Variants in USP8 observed in about 807,000 individuals in gnomAD.
USP8 encodes ubiquitin carboxyl-terminal hydrolase 8.
Under a neutral mutation model 130.0 loss-of-function variants are expected in USP8, and 27 were observed. That is an observed-to-expected ratio of 0.21 (90% CI 0.15 to 0.29). The LOEUF is 0.29. Among genes scored for constraint, USP8 ranks in the 10% least tolerant of loss-of-function variants. USP8 has a pLI of 1.00. For synonymous variants in USP8, 392 were observed against 444.1 expected (o/e 0.88, Z 1.48); for missense variants, 1,029 against 1,312.2 (o/e 0.78, Z 3.33).
At chr15:50,455,378 C>G (rs902007794) in intron 4 of USP8, among the ~76,000 whole-genome samples, 2 of 144,784 alleles carry the variant, frequency 1.4e-5, no homozygotes, top group Non-Finnish European at 3.1e-5. Context: ...GCGCCCAGCC[C>G]AATTCTAGAA....
In USP8 at chr15:50,500,873, A is replaced by G; in HGVS notation, c.*1785A>G. On this transcript the variant is annotated 3_prime_UTR_variant, in exon 20 of 20. Transcript: ENST00000307179. ...AAGGAATGTCAAACTTAGTATTCAC[A>G]TATGAACACTAACTACTGGAACAGA... The G allele has an allele frequency of 6.7e-7, 1 of 1,497,464 alleles. No homozygotes were observed. Among genetic ancestry groups the G allele is most frequent in the East Asian group, 2.4e-5 (1 of 41,478 alleles). The allele number at this position is 1,497,464 out of a possible 1,614,324, so 92.8% of individuals were successfully genotyped here.
intron 18 of USP8, 94 bp downstream of exon 18, chr15:50,497,325 G>A: frequency 1.4e-6 from 2 of 1,442,536 alleles, no homozygotes; most frequent in Non-Finnish European, 1.8e-6. Flanking sequence ...CCTGCCATGG[G>A]CACATAACAA....
chr15:50,434,541 C>T (rs554333730), intron 1 of USP8, among the ~76,000 whole-genome samples: 12 of 151,852 alleles, frequency 7.9e-5, no homozygotes, highest in African/African-American at 2.2e-4. Flanking sequence ...GTTAGAAGCA[C>T]GTTAATTTTT....
At chr15:50,449,248 A>G in intron 3 of USP8, 152 bp from the exon 4 acceptor site, 1 of 384,078 alleles carries the variant, frequency 2.6e-6, no homozygotes. Context: ...AATAAATTAT[A>G]CATTTACATA....
chr15:50,490,945 C>G (rs968217015), intron 14 of USP8, among the ~76,000 whole-genome samples: 14 of 152,108 alleles, frequency 9.2e-5, no homozygotes, highest in Non-Finnish European at 1.9e-4. Context: ...CGAAGTTTTC[C>G]TATAGTATTA....
Position 50,500,868 on chromosome 15 carries a change from T to G in USP8, c.*1780T>G. On this transcript the variant is annotated 3_prime_UTR_variant, in exon 20 of 20. Transcript: ENST00000307179. ...GGAGAAAGGAATGTCAAACTTAGTA[T>G]TCACATATGAACACTAACTACTGGA... 6.5e-7 allele frequency: 1 copy of G among 1,536,352 alleles called. No homozygotes were observed. The highest frequency in any genetic ancestry group is 1.2e-5 in the South Asian group (1 of 84,086).
At chr15:50,477,903 C>G (rs560606771) in intron 10 of USP8, among the ~76,000 whole-genome samples, 120 of 151,706 alleles carry the variant, frequency 7.9e-4, no homozygotes, top group Non-Finnish European at 1.3e-3. Context: ...CCTTTAACAT[C>G]TTAGAAAAAA....
At chr15:50,450,428 A>C (rs2050588231) in intron 4 of USP8, among the ~76,000 whole-genome samples, 1 of 151,056 alleles carries the variant, frequency 6.6e-6, no homozygotes, top group Admixed American at 6.6e-5. Context: ...ACAAAACAAA[A>C]ACAGTATGTT....
Position 50,456,297 on chromosome 15 carries a change from C to T in USP8, c.336-2703C>T, listed in dbSNP as rs772808338. ...AAAGATAGAAACTGCTTAGGCCAGG[C>T]GGGGTGGCTCATGCCTGTAATCCCA... On this transcript the variant is annotated intron_variant, in intron 4 of 19. Coordinates refer to ENST00000307179, the MANE Select transcript of USP8 (RefSeq NM_005154.5). Among the ~76,000 whole-genome samples, 9 of 152,184 alleles carry T rather than the reference C, an allele frequency of 5.9e-5. 1 individual carries two copies. The South Asian group carries it at 1.2e-3, about 21-fold the overall frequency.
intron 1 of USP8, among the ~76,000 whole-genome samples, chr15:50,433,188 C>G (rs1354987180): frequency 6.6e-6 from 1 of 151,552 alleles, no homozygotes; most frequent in Non-Finnish European, 1.5e-5. Flanking sequence ...GAGCCAAGTT[C>G]ATGCCACTGC....
At chr15:50,474,281 G>A (rs776462838) in intron 8 of USP8, among the ~76,000 whole-genome samples, 3 of 152,136 alleles carry the variant, frequency 2.0e-5, no homozygotes, top group African/African-American at 4.8e-5. Flanking sequence ...GGTATTACAG[G>A]TGTGAGCCAC....
At chr15:50,428,452 C>G (rs557796708) in intron 1 of USP8, among the ~76,000 whole-genome samples, 3 of 152,292 alleles carry the variant, frequency 2.0e-5, no homozygotes, top group South Asian at 4.1e-4. Flanking sequence ...CAGTCTTCCT[C>G]TTATCTGCAG....
At chr15:50,498,369 C>CTGTT (rs144769934) in intron 18 of USP8, 21,360 of 455,894 alleles carry the variant, frequency 0.047, 675 homozygotes, top group Non-Finnish European at 0.058. Context: ...ACCATTCTGG[C>CTGTT]TGTTTGACCT....
intron 4 of USP8, among the ~76,000 whole-genome samples, chr15:50,454,288 T>TA (rs1350047294): frequency 1.3e-5 from 2 of 152,200 alleles, no homozygotes; most frequent in African/African-American, 4.8e-5. Flanking sequence ...TTTCTGATAT[T>TA]AAGCATTTTT....
intron 2 of USP8, among the ~76,000 whole-genome samples, chr15:50,440,927 G>A (rs528979577): frequency 3.9e-5 from 6 of 151,924 alleles, no homozygotes; most frequent in Admixed American, 1.3e-4. Flanking sequence ...ACTTGAATCC[G>A]GGAGGCAGAG....
chr15:50,454,506 T>C (rs1354280326), intron 4 of USP8, among the ~76,000 whole-genome samples: 1 of 150,244 alleles, frequency 6.7e-6, no homozygotes, highest in East Asian at 2.0e-4. Context: ...CAGGCTGGAG[T>C]GCAGTGGCAC....
chr15:50,459,414 A>C (rs2141278276), intron 5 of USP8, among the ~76,000 whole-genome samples: 1 of 152,084 alleles, frequency 6.6e-6, no homozygotes, highest in South Asian at 2.1e-4. Context: ...CGAAACCCCG[A>C]CTCTACTAAA....
chr15:50,477,049 T>C (rs774087468), intron 9 of USP8, 56 bp downstream of exon 9: 93 of 1,580,132 alleles, frequency 5.9e-5, no homozygotes, highest in Non-Finnish European at 7.9e-5. Context: ...GGTTTAAAAT[T>C]GTTTTCCCGG....
intron 15 of USP8, 154 bp from the exon 16 acceptor site, chr15:50,493,916 A>G (rs1452879698): frequency 2.2e-6 from 2 of 929,544 alleles, no homozygotes; most frequent in Non-Finnish European, 3.5e-6. Context: ...TCAGATTCAG[A>G]TGAGAATCTG....
Sources: allele counts gnomAD v4.1 joint callset (sites outside exome capture counted in the v4.1 genomes callset), GRCh38; gene constraint gnomAD v4.1.1; transcripts MANE v1.5; gene names NCBI Gene and HGNC (gene_info 2026-07-23, HGNC 2026-07-21).